Variants in RTF2 observed in about 807,000 individuals in gnomAD.
RTF2 encodes replication termination factor 2, also known as UPF0549 protein C20orf43.
A neutral mutation model predicts 38.0 loss-of-function variants in RTF2; 18 were observed. The observed-to-expected ratio is 0.47, with a 90% confidence interval of 0.33 to 0.70. The LOEUF is 0.70. RTF2 is among the 30% of genes least tolerant of loss of function. The pLI is 0.02. For synonymous variants in RTF2, 126 were observed against 137.1 expected (o/e 0.92, Z 0.57); for missense variants, 311 against 379.6 (o/e 0.82, Z 1.50).
chr20:56,503,130 A>G (rs931983116), intron 5 of RTF2, among the ~76,000 whole-genome samples: 1 of 152,246 alleles, frequency 6.6e-6, no homozygotes, highest in Non-Finnish European at 1.5e-5. Context: ...AAGTCTCTGT[A>G]GCCACACATT....
chr20:56,491,476 AT>A, intron 5 of RTF2: 1 of 876,916 alleles, frequency 1.1e-6, no homozygotes, highest in Non-Finnish European at 1.8e-6. Flanking sequence ...TCAAGGAATC[AT>A]TTTCCCACTT....
intron 5 of RTF2, among the ~76,000 whole-genome samples, chr20:56,500,446 T>C (rs961597050): frequency 6.6e-6 from 1 of 152,200 alleles, no homozygotes; most frequent in Admixed American, 6.5e-5. Flanking sequence ...TGATACCCCA[T>C]GTAAATTTGG....
At chr20:56,509,666 T>G (rs1421651262) in intron 5 of RTF2, among the ~76,000 whole-genome samples, 2 of 148,932 alleles carry the variant, frequency 1.3e-5, no homozygotes, top group East Asian at 2.0e-4. Flanking sequence ...TGTGGAGAAA[T>G]GAGAATCCTC....
intron 5 of RTF2, among the ~76,000 whole-genome samples, chr20:56,505,930 GTTTT>G (rs1446842710): frequency 2.0e-5 from 3 of 152,088 alleles, no homozygotes; most frequent in Non-Finnish European, 2.9e-5. Flanking sequence ...ATACAGTGGG[GTTTT>G]TTTATGTTTC....
At chr20:56,468,793 G>A (rs1439655423) in intron 1 of RTF2, 27 bp downstream of exon 1, 2 of 1,548,968 alleles carry the variant, frequency 1.3e-6, no homozygotes, top group Admixed American at 2.0e-5. Flanking sequence ...GGCTCTTGGC[G>A]ACCGGGGGTG....
At chr20:56,482,163 A>T (rs913408733) in intron 4 of RTF2, among the ~76,000 whole-genome samples, 2 of 152,210 alleles carry the variant, frequency 1.3e-5, no homozygotes, top group African/African-American at 4.8e-5. Flanking sequence ...TGATTGGATT[A>T]GTTTGTGTAT....
intron 3 of RTF2, among the ~76,000 whole-genome samples, chr20:56,475,826 A>G (rs1360176693): frequency 6.6e-6 from 1 of 152,256 alleles, no homozygotes. Flanking sequence ...ATGTGGTTGA[A>G]TATTTAATGG....
At position 56,474,736 on chromosome 20, in the gene RTF2, C is replaced by T; in HGVS notation, c.223C>T (p.Leu75Phe). The T allele has an allele frequency of 6.2e-7, 1 of 1,611,630 alleles. No homozygotes were observed. Among genetic ancestry groups the T allele is most frequent in the Non-Finnish European group, 8.5e-7 (1 of 1,179,032 alleles). Reference sequence around the variant, plus strand: ...CTTGGACAAATCTGCAGAAAAGGCTCTTGGGAAGGCAGCATCTCACATTAA... The same window carrying T: ...CTTGGACAAATCTGCAGAAAAGGCTTTTGGGAAGGCAGCATCTCACATTAA... The part of the protein sequence containing the change: ...FLLDKSAEKA[L>F]GKAASHIKSI... Residue 75 changes from leucine (L) to phenylalanine (F), a missense_variant, in exon 3 of 9, where the codon CTT becomes TTT. Leu to Phe is a conservative substitution (Grantham distance 22). Transcript: ENST00000357348.
chr20:56,495,206 A>G (rs1334150211), intron 5 of RTF2: 2 of 1,547,978 alleles, frequency 1.3e-6, no homozygotes, highest in Admixed American at 3.9e-5. Flanking sequence ...TTTTACCTTT[A>G]CATCCATCAT....
chr20:56,487,273 CTG>C (rs1361735844), intron 5 of RTF2, among the ~76,000 whole-genome samples: 1 of 152,272 alleles, frequency 6.6e-6, no homozygotes, highest in African/African-American at 2.4e-5. Context: ...CAAGGGAACT[CTG>C]AGATTATATC....
chr20:56,517,218 C>A lies in RTF2; in HGVS notation c.742+17C>A. 6.2e-7 allele frequency: 1 copy of A among 1,603,970 alleles called. No individual in the cohort carries two copies. The highest frequency in any genetic ancestry group is 8.5e-7 in the Non-Finnish European group (1 of 1,171,536). On this transcript the variant is annotated intron_variant, in intron 8 of 8. Transcript: ENST00000357348. Reference sequence around the variant, plus strand: ...AAAGCACAGGTGGGTCCTGTTGTAGCTACAGGGAGCTGTTTCGAGAAGGCT... The same window carrying A: ...AAAGCACAGGTGGGTCCTGTTGTAGATACAGGGAGCTGTTTCGAGAAGGCT...
chr20:56,499,671 C>T (rs962856195), intron 5 of RTF2, among the ~76,000 whole-genome samples: 2 of 151,700 alleles, frequency 1.3e-5, no homozygotes, highest in African/African-American at 4.8e-5. Flanking sequence ...TTTGTCATAT[C>T]TTCCCCTGTA....
chr20:56,486,918 T>C (rs2146330547), intron 5 of RTF2, among the ~76,000 whole-genome samples: 1 of 152,118 alleles, frequency 6.6e-6, no homozygotes, highest in Non-Finnish European at 1.5e-5. Flanking sequence ...CTGTCAGGAC[T>C]GTGGGGTGGG....
chr20:56,490,536 C>T (rs1362552198), intron 5 of RTF2, among the ~76,000 whole-genome samples: 1 of 152,178 alleles, frequency 6.6e-6, no homozygotes, highest in Non-Finnish European at 1.5e-5. Context: ...AACTTAAGGC[C>T]GGGTGCGGTG....
At position 56,519,079 on chromosome 20, in the gene RTF2, T is replaced by C. The variant is rs900185362; in HGVS notation, c.*814T>C. ...TGCCTATAAGTTGTGTTGACGTCAA[T>C]AGCTAGTGAAACTTCTCATGAGACT... On this transcript the variant is annotated 3_prime_UTR_variant, in exon 9 of 9. Transcript: ENST00000357348. The C allele has an allele frequency of 6.6e-6, 1 of 152,122 alleles. No homozygotes were observed. The highest frequency in any genetic ancestry group is 2.1e-4 in the South Asian group (1 of 4,832). 9.4% of individuals were successfully genotyped at this position (152,122 alleles called of 1,614,324 possible).
intron 5 of RTF2, among the ~76,000 whole-genome samples, chr20:56,495,890 C>G (rs6064405): frequency 0.37 from 56,547 of 151,992 alleles, 11,229 homozygotes; most frequent in Non-Finnish European, 0.45. Context: ...TCTCAGAGAA[C>G]CCATCTGAAG....
intron 5 of RTF2, chr20:56,497,678 C>G: frequency 8.9e-7 from 1 of 1,122,678 alleles, no homozygotes. Flanking sequence ...CCTAAAAGAA[C>G]AACAGATACA....
chr20:56,480,885 A>G (rs762320097), intron 4 of RTF2, among the ~76,000 whole-genome samples: 1 of 152,158 alleles, frequency 6.6e-6, no homozygotes, highest in Non-Finnish European at 1.5e-5. Context: ...GTAACATCAA[A>G]CGTCACTGAG....
At chr20:56,501,858 G>A (rs1403122078) in intron 5 of RTF2, among the ~76,000 whole-genome samples, 2 of 152,154 alleles carry the variant, frequency 1.3e-5, no homozygotes, top group East Asian at 3.8e-4. Flanking sequence ...AACAGAGTGA[G>A]TGAGACCCTA....
Sources: gnomAD v4.1 joint callset for allele counts (sites outside exome capture counted in the v4.1 genomes callset) on GRCh38, gnomAD v4.1.1 for gene constraint, MANE v1.5 for transcripts, NCBI Gene and HGNC (gene_info 2026-07-23, HGNC 2026-07-21) for gene names.